The following VAX2 variants were observed in gnomAD, a reference collection of about 807,000 sequenced individuals.
VAX2 encodes ventral anterior homeobox 2.
Under a neutral mutation model 12.5 loss-of-function variants are expected in VAX2, and 8 were observed. That is an observed-to-expected ratio of 0.64 (90% confidence interval 0.37 to 1.15). VAX2 has a LOEUF of 1.15. Among genes scored for constraint, VAX2 ranks in the 50% most tolerant of loss-of-function variants. VAX2 has a pLI of 0.01. For missense variants in VAX2, 476 were observed against 412.9 expected (o/e 1.15, Z -1.32); for synonymous variants, 183 against 187.6 (o/e 0.98, Z 0.20).
chr2:70,912,274 A>G (rs1257291286), intron 1 of VAX2, among the ~76,000 whole-genome samples: 1 of 152,204 alleles, frequency 6.6e-6, no homozygotes, highest in Non-Finnish European at 1.5e-5. Flanking sequence ...AATGTTCCCA[A>G]TAAACTTGAG....
At chr2:70,912,235 CT>C (rs1161345937) in intron 1 of VAX2, among the ~76,000 whole-genome samples, 2 of 152,180 alleles carry the variant, frequency 1.3e-5, no homozygotes, top group African/African-American at 4.8e-5. Flanking sequence ...TATTGTTTAA[CT>C]TTTTTTGTTG....
At chr2:70,905,759 C>G (rs1679042782) in intron 1 of VAX2, among the ~76,000 whole-genome samples, 3 of 152,188 alleles carry the variant, frequency 2.0e-5, no homozygotes, top group South Asian at 2.1e-4. Flanking sequence ...CCTTTGGAAG[C>G]CCGGACAAGG....
rs980401115 is a variant in VAX2 at position 70,920,565 on chromosome 2, C to T, written c.248-533C>T. On this transcript the variant is annotated intron_variant, in intron 1 of 2. Coordinates refer to ENST00000234392, the MANE Select transcript of VAX2 (RefSeq NM_012476.3). ...CCCCAGACTGTCCTCTACCGCTCAT[C>T]AGCTAGCCTCCTCCTCATGGACCCC... Among the ~76,000 whole-genome samples the T allele has an allele frequency of 1.4e-4, 21 of 152,212 alleles. 1 individual carries two copies. Among genetic ancestry groups the T allele is most frequent in the African/African-American group, 5.1e-4 (21 of 41,524 alleles).
intron 1 of VAX2, among the ~76,000 whole-genome samples, chr2:70,911,013 T>A (rs1679170825): frequency 6.6e-6 from 1 of 152,058 alleles, no homozygotes; most frequent in South Asian, 2.1e-4. Context: ...ACCAAAAAAA[T>A]TTTATTCCCT....
intron 1 of VAX2, among the ~76,000 whole-genome samples, chr2:70,906,685 G>A (rs1046837975): frequency 5.9e-5 from 9 of 151,764 alleles, no homozygotes; most frequent in African/African-American, 2.2e-4. Context: ...GAGCTACCGC[G>A]CGTTTCTTGT....
At chr2:70,910,679 G>A (rs1158449962) in intron 1 of VAX2, among the ~76,000 whole-genome samples, 7 of 150,880 alleles carry the variant, frequency 4.6e-5, no homozygotes, top group African/African-American at 1.2e-4. Context: ...TTTCTCTATC[G>A]GATCACTAAT....
intron 2 of VAX2, among the ~76,000 whole-genome samples, chr2:70,927,819 G>A (rs555009426): frequency 3.9e-5 from 6 of 152,100 alleles, no homozygotes; most frequent in African/African-American, 1.2e-4. Flanking sequence ...GGAGGGGGGC[G>A]GGGCAGCCAC....
intron 1 of VAX2, among the ~76,000 whole-genome samples, chr2:70,915,121 T>A (rs1553411767): frequency 2.0e-5 from 3 of 151,202 alleles, no homozygotes; most frequent in South Asian, 2.1e-4. Flanking sequence ...TTAAATGTAT[T>A]TTTTTTTTCA....
At chr2:70,920,108 T>C (rs545833842) in intron 1 of VAX2, among the ~76,000 whole-genome samples, 2 of 152,204 alleles carry the variant, frequency 1.3e-5, no homozygotes, top group Admixed American at 1.3e-4. Context: ...CCATTGCCAA[T>C]GCTAAGTAAT....
intron 1 of VAX2, among the ~76,000 whole-genome samples, chr2:70,907,029 A>G (rs1189660039): frequency 1.3e-5 from 2 of 152,252 alleles, no homozygotes; most frequent in Non-Finnish European, 2.9e-5. Context: ...TCAACATGGC[A>G]TAATTCTGTA....
chr2:70,905,191 T>C (rs1240494662), intron 1 of VAX2, among the ~76,000 whole-genome samples: 2 of 152,000 alleles, frequency 1.3e-5, no homozygotes, highest in Non-Finnish European at 2.9e-5. Context: ...AATATCTGAG[T>C]CTGTTAATAG....
intron 1 of VAX2, among the ~76,000 whole-genome samples, chr2:70,908,323 G>C (rs543286120): frequency 6.6e-6 from 1 of 152,106 alleles, no homozygotes. Context: ...AAAAGTATCC[G>C]GTGAAAAACC....
chr2:70,914,284 C>T (rs1304673190), intron 1 of VAX2, among the ~76,000 whole-genome samples: 1 of 152,054 alleles, frequency 6.6e-6, no homozygotes, highest in Non-Finnish European at 1.5e-5. Flanking sequence ...CCTGTCTCTA[C>T]TAAAAAATTA....
rs1023767421 is a variant in VAX2 at position 70,907,443 on chromosome 2, C to T, written c.247+6575C>T. Among the ~76,000 whole-genome samples, 7 of 152,358 alleles carry T rather than the reference C, an allele frequency of 4.6e-5. No homozygotes were observed. The East Asian group carries it at 1.4e-3, about 29-fold the overall frequency. On this transcript the variant is annotated intron_variant, in intron 1 of 2. Coordinates refer to ENST00000234392, the MANE Select transcript of VAX2 (RefSeq NM_012476.3). The stretch of plus-strand genomic sequence containing the variant: ...ACAGAAATAACTGGATAAATCTGTG[C>T]CCCTGCCCCTGCCGGCTCACACGGC...
chr2:70,926,139 G>A (rs1679566288), intron 2 of VAX2, among the ~76,000 whole-genome samples: 1 of 151,998 alleles, frequency 6.6e-6, no homozygotes, highest in African/African-American at 2.4e-5. Context: ...TACAGGATTG[G>A]GCAGGCAGAA....
chr2:70,903,903 A>C (rs1553410132), intron 1 of VAX2, among the ~76,000 whole-genome samples: 3 of 152,210 alleles, frequency 2.0e-5, no homozygotes, highest in Admixed American at 6.5e-5. Flanking sequence ...CACACAGTGC[A>C]GCCCTCCCCA....
chr2:70,926,463 T>G (rs1553413554), intron 2 of VAX2, among the ~76,000 whole-genome samples: 1 of 152,198 alleles, frequency 6.6e-6, no homozygotes, highest in African/African-American at 2.4e-5. Flanking sequence ...TCCTTGGTTT[T>G]AGAAACCTTC....
chr2:70,908,426 G>A (rs1478405968), intron 1 of VAX2, among the ~76,000 whole-genome samples: 3 of 152,162 alleles, frequency 2.0e-5, no homozygotes, highest in African/African-American at 7.2e-5. Context: ...ATGGAAATCA[G>A]TGCAGTTATA....
rs144443163 is a variant in VAX2 at position 70,933,042 on chromosome 2, G to T, written c.711G>T (p.Ala237=). ...PRLNPLSSAS[A]SPPLPPPLPA... is the part of the protein sequence containing the mutation. ...TCAACCCGCTGTCCTCGGCCTCAGC[G>T]TCCCCCCCACTGCCGCCCCCTCTGC... The change falls in exon 3 of 3, where the codon GCG becomes GCT. Residue 237 remains alanine (A), a synonymous_variant. Coordinates refer to ENST00000234392, the MANE Select transcript of VAX2 (RefSeq NM_012476.3). 1 of 1,598,500 alleles carries T rather than the reference G, an allele frequency of 6.3e-7. No homozygotes were observed. The highest frequency in any genetic ancestry group is 1.1e-5 in the South Asian group (1 of 88,720).
Sources: gnomAD v4.1 joint callset for allele counts (sites outside exome capture counted in the v4.1 genomes callset) on GRCh38, gnomAD v4.1.1 for gene constraint, MANE v1.5 for transcripts, NCBI Gene and HGNC (gene_info 2026-07-23, HGNC 2026-07-21) for gene names.